Variants in CNTNAP2 observed in about 807,000 individuals in gnomAD.
CNTNAP2 encodes the protein contactin associated protein 2.
In CNTNAP2, 98 loss-of-function variants were observed where a neutral mutation model predicts 155.2. That is an observed-to-expected ratio of 0.63 (90% confidence interval 0.54 to 0.75). The LOEUF (loss-of-function observed/expected upper bound fraction) is 0.75. CNTNAP2 is among the 30% of genes least tolerant of loss of function. The probability of loss-of-function intolerance (pLI) is 0.00; values close to 1 mark genes in which losing one functional copy is unlikely to be tolerated. For missense variants in CNTNAP2, 1,727 were observed against 1,688.1 expected, an observed-to-expected ratio of 1.02 and a Z score of -0.40; for synonymous variants, 651 against 631.2, an observed-to-expected ratio of 1.03 and a Z score of -0.47.
At chr7:147,905,011 A>G (rs780786440) in intron 14 of CNTNAP2, among the ~76,000 whole-genome samples, 13 of 152,158 alleles carry the variant, frequency 8.5e-5, no homozygotes, top group Non-Finnish European at 1.8e-4. Context: ...TCGTTCAATC[A>G]TTCATTCAGT....
chr7:146,514,953 G>C (rs549215101), intron 1 of CNTNAP2, among the ~76,000 whole-genome samples: 1 of 152,092 alleles, frequency 6.6e-6, no homozygotes, highest in South Asian at 2.1e-4. Context: ...TCCTAGGTTT[G>C]CCAGGGCTCT....
chr7:146,511,917 G>A (rs943192127), intron 1 of CNTNAP2, among the ~76,000 whole-genome samples: 6 of 151,978 alleles, frequency 3.9e-5, no homozygotes, highest in Non-Finnish European at 7.4e-5. Context: ...GTTTTTATAT[G>A]GGAGGCTTTT....
chr7:147,643,728 C>T (rs1024302012), intron 13 of CNTNAP2, among the ~76,000 whole-genome samples: 10 of 152,100 alleles, frequency 6.6e-5, no homozygotes, highest in Admixed American at 2.6e-4. Flanking sequence ...AATAGCTTTG[C>T]GCTTAAAATG....
intron 10 of CNTNAP2, among the ~76,000 whole-genome samples, chr7:147,411,093 C>T (rs781484455): frequency 1.3e-5 from 2 of 152,192 alleles, no homozygotes; most frequent in Non-Finnish European, 2.9e-5. Flanking sequence ...ATTCTGAAAT[C>T]ACAGTCCCTT....
At chr7:147,527,382 A>C (rs1799346757) in intron 11 of CNTNAP2, among the ~76,000 whole-genome samples, 1 of 152,114 alleles carries the variant, frequency 6.6e-6, no homozygotes, top group African/African-American at 2.4e-5. Flanking sequence ...GAAATCTTAG[A>C]GAGCATACCC....
At chr7:146,987,996 G>A (rs188542036) in intron 3 of CNTNAP2, among the ~76,000 whole-genome samples, 12 of 152,094 alleles carry the variant, frequency 7.9e-5, no homozygotes, top group Non-Finnish European at 1.8e-4. Context: ...CCAAATTCCC[G>A]TAACTCTATT....
At chr7:147,721,706 A>G (rs1456842815) in intron 13 of CNTNAP2, among the ~76,000 whole-genome samples, 2 of 152,116 alleles carry the variant, frequency 1.3e-5, no homozygotes, top group African/African-American at 4.8e-5. Flanking sequence ...GCCCCATTGA[A>G]TCCTGGAGGA....
chr7:147,038,890 C>A (rs1799209084), intron 3 of CNTNAP2, among the ~76,000 whole-genome samples: 1 of 152,248 alleles, frequency 6.6e-6, no homozygotes, highest in Admixed American at 6.5e-5. Context: ...GATTTCCCTT[C>A]CAGCACACAT....
chr7:148,093,385 C>T (rs1803891102), intron 15 of CNTNAP2, among the ~76,000 whole-genome samples: 1 of 152,196 alleles, frequency 6.6e-6, no homozygotes, highest in Non-Finnish European at 1.5e-5. Flanking sequence ...ACATATTTGA[C>T]TGTAGAAACC....
At chr7:147,560,714 A>G (rs1800046937) in intron 11 of CNTNAP2, among the ~76,000 whole-genome samples, 1 of 151,620 alleles carries the variant, frequency 6.6e-6, no homozygotes, top group Non-Finnish European at 1.5e-5. Flanking sequence ...AGTGCAGCAT[A>G]GTTCCTCAAT....
At chr7:147,947,099 G>A (rs1259633700) in intron 14 of CNTNAP2, among the ~76,000 whole-genome samples, 2 of 152,110 alleles carry the variant, frequency 1.3e-5, no homozygotes, top group African/African-American at 4.8e-5. Context: ...GAGTGGTTGA[G>A]CTTCACTGTA....
intron 1 of CNTNAP2, among the ~76,000 whole-genome samples, chr7:146,353,341 T>C (rs1478700529): frequency 3.9e-5 from 6 of 152,214 alleles, no homozygotes; most frequent in African/African-American, 9.6e-5. Flanking sequence ...CAGACATTAC[T>C]TGATCTTGAT....
chr7:148,238,638 T>C lies in CNTNAP2; in HGVS notation c.3381+8859T>C, dbSNP rs954863695. Among the ~76,000 whole-genome samples, 5 of 152,240 alleles carry C rather than the reference T, an allele frequency of 3.3e-5. No homozygotes were observed. The East Asian group carries it at 9.6e-4, about 29-fold the overall frequency. ...TAGGGGGTCATAAAACCCTAATTTTTATAATCAAAGAGAACTACAAGGTCC... is the reference window on the plus strand; with the variant it reads ...TAGGGGGTCATAAAACCCTAATTTTCATAATCAAAGAGAACTACAAGGTCC... On this transcript the variant is annotated intron_variant, in intron 20 of 23. Transcript: ENST00000361727.
intron 1 of CNTNAP2, among the ~76,000 whole-genome samples, chr7:146,426,077 G>A (rs1469023256): frequency 1.3e-5 from 2 of 150,230 alleles, no homozygotes; most frequent in South Asian, 2.1e-4. Context: ...TATGAGCTAC[G>A]CGGGAGGCTG....
chr7:146,148,157 G>C (rs1026168082), intron 1 of CNTNAP2, among the ~76,000 whole-genome samples: 1 of 152,036 alleles, frequency 6.6e-6, no homozygotes, highest in African/African-American at 2.4e-5. Context: ...TTTTTAAAAT[G>C]ATGCATTATA....
intron 15 of CNTNAP2, among the ~76,000 whole-genome samples, chr7:148,106,828 C>T (rs995284001): frequency 2.0e-5 from 3 of 152,146 alleles, no homozygotes; most frequent in African/African-American, 4.8e-5. Flanking sequence ...TGTTATTCCC[C>T]GCTTTCTGGA....
chr7:146,140,618 C>T (rs1284683684), intron 1 of CNTNAP2, among the ~76,000 whole-genome samples: 1 of 152,090 alleles, frequency 6.6e-6, no homozygotes, highest in Non-Finnish European at 1.5e-5. Context: ...CTCATTATTT[C>T]TTTTGGGTAG....
intron 2 of CNTNAP2, among the ~76,000 whole-genome samples, chr7:146,784,188 C>T (rs765088398): frequency 6.6e-6 from 1 of 151,966 alleles, no homozygotes; most frequent in Non-Finnish European, 1.5e-5. Flanking sequence ...ACTATTTTCC[C>T]CTTTGTGTAC....
In CNTNAP2 at chr7:146,565,394, T is replaced by G. The variant is rs546381556; in HGVS notation, c.98-208877T>G. Among the ~76,000 whole-genome samples the G allele has an allele frequency of 2.6e-3, 395 of 152,288 alleles. 5 individuals carry two copies. Among genetic ancestry groups the G allele is most frequent in the African/African-American group, 9.1e-3 (379 of 41,572 alleles). ...AAAGTATATTCATAGCCATTTTTTT[T>G]TTGTTAATGTTAAATAACAGATCCC... On this transcript the variant is annotated intron_variant, in intron 1 of 23. Coordinates refer to ENST00000361727, the MANE Select transcript of CNTNAP2 (RefSeq NM_014141.6).
Sources: gnomAD v4.1 joint callset for allele counts (sites outside exome capture counted in the v4.1 genomes callset) on GRCh38, gnomAD v4.1.1 for gene constraint, MANE v1.5 for transcripts, NCBI Gene and HGNC (gene_info 2026-07-23, HGNC 2026-07-21) for gene names.